The following LRRC28 variants were observed in gnomAD, a reference collection of about 807,000 sequenced individuals.
LRRC28 encodes the protein leucine-rich repeat-containing protein 28.
Under a neutral mutation model 45.7 loss-of-function variants are expected in LRRC28, and 39 were observed. That is an observed-to-expected ratio of 0.85 (90% confidence interval 0.66 to 1.12). The LOEUF is 1.12. Ranked by LOEUF, LRRC28 falls within the 50% of genes most tolerant of loss-of-function variation. The pLI is 0.00. For missense variants in LRRC28, 435 were observed against 438.5 expected (o/e 0.99, Z 0.07); for synonymous variants, 206 against 178.8 (o/e 1.15, Z -1.22).
At chr15:99,292,222 T>G (rs1367094972) in intron 5 of LRRC28, among the ~76,000 whole-genome samples, 1 of 152,216 alleles carries the variant, frequency 6.6e-6, no homozygotes, top group Non-Finnish European at 1.5e-5. Flanking sequence ...AGGTTTTCCC[T>G]TGCTGGAAGC....
chr15:99,302,228 C>T (rs1259607244), intron 5 of LRRC28, among the ~76,000 whole-genome samples: 1 of 151,944 alleles, frequency 6.6e-6, no homozygotes, highest in Non-Finnish European at 1.5e-5. Flanking sequence ...GGGGTTTCAT[C>T]GTGTTAGCCA....
chr15:99,348,682 G>C (rs565669582), intron 6 of LRRC28, among the ~76,000 whole-genome samples: 5 of 151,232 alleles, frequency 3.3e-5, no homozygotes, highest in South Asian at 2.1e-4. Flanking sequence ...AAATCAGGAA[G>C]TGAGATGCCT....
intron 5 of LRRC28, among the ~76,000 whole-genome samples, chr15:99,304,232 A>G (rs1955094969): frequency 6.6e-6 from 1 of 152,216 alleles, no homozygotes; most frequent in Non-Finnish European, 1.5e-5. Flanking sequence ...GATTTACATA[A>G]ATAGCCCTTT....
chr15:99,334,570 AACTTTAAAG>A (rs1198597020), intron 6 of LRRC28, among the ~76,000 whole-genome samples: 1 of 152,182 alleles, frequency 6.6e-6, no homozygotes, highest in African/African-American at 2.4e-5. Context: ...CAGATTATAA[AACTTTAAAG>A]ACCTTAAAAT....
intron 3 of LRRC28, among the ~76,000 whole-genome samples, chr15:99,281,168 C>G (rs1441861262): frequency 6.6e-6 from 1 of 151,222 alleles, no homozygotes. Flanking sequence ...GCTAGAAGTA[C>G]AGGCATGCAC....
At chr15:99,271,854 C>T (rs931502051) in intron 2 of LRRC28, among the ~76,000 whole-genome samples, 1 of 152,244 alleles carries the variant, frequency 6.6e-6, no homozygotes, top group Non-Finnish European at 1.5e-5. Context: ...CCACTTTGGC[C>T]TCCCAAAATG....
At chr15:99,318,988 C>T (rs1955698423) in intron 5 of LRRC28, among the ~76,000 whole-genome samples, 1 of 151,976 alleles carries the variant, frequency 6.6e-6, no homozygotes, top group African/African-American at 2.4e-5. Context: ...AAATGTTTTC[C>T]TTTAAAATTT....
In LRRC28 at chr15:99,388,166, G is replaced by A. The variant is rs1272619739; in HGVS notation, c.*2064G>A. ...TGTATATAAGTTAGCTGGTGAAAAT[G>A]TGGCATGAAACTTCACAATTGTGCT... On this transcript the variant is annotated 3_prime_UTR_variant, in exon 10 of 10. Coordinates refer to ENST00000301981, the MANE Select transcript of LRRC28 (RefSeq NM_144598.5). 1.3e-5 allele frequency: 2 copies of A among 152,228 alleles called. No homozygotes were observed. The highest frequency in any genetic ancestry group is 4.8e-5 in the African/African-American group (2 of 41,460). The allele number at this position is 152,228 out of a possible 1,614,324, so 9.4% of individuals were successfully genotyped here.
intron 5 of LRRC28, among the ~76,000 whole-genome samples, chr15:99,300,643 A>G (rs1403118813): frequency 6.6e-6 from 1 of 152,142 alleles, no homozygotes; most frequent in Non-Finnish European, 1.5e-5. Context: ...CCTGGCCAAC[A>G]TGGTGAACCC....
chr15:99,341,789 G>T (rs117375655), intron 6 of LRRC28, among the ~76,000 whole-genome samples: 1 of 152,128 alleles, frequency 6.6e-6, no homozygotes, highest in Non-Finnish European at 1.5e-5. Flanking sequence ...TGTTGTTCTC[G>T]TTCTAGAACT....
chr15:99,381,798 G>C (rs1371936354), intron 9 of LRRC28, among the ~76,000 whole-genome samples: 5 of 151,808 alleles, frequency 3.3e-5, no homozygotes, highest in Non-Finnish European at 5.9e-5. Context: ...GAGGTCCACT[G>C]CAGACCCTGT....
chr15:99,321,590 A>G (rs181514730), intron 5 of LRRC28, among the ~76,000 whole-genome samples: 40 of 152,286 alleles, frequency 2.6e-4, no homozygotes, highest in Admixed American at 1.2e-3. Flanking sequence ...TTTTCCTCCA[A>G]GGATTTGTGA....
intron 3 of LRRC28, among the ~76,000 whole-genome samples, chr15:99,282,176 G>GTTTTTTTTTTTT (rs1476287973): frequency 5.9e-5 from 2 of 33,882 alleles, no homozygotes; most frequent in South Asian, 7.9e-4. Flanking sequence ...AATTTTTGGA[G>GTTTTTTTTTTTT]GTTTTTTTTT....
chr15:99,387,127 C>T lies in LRRC28; in HGVS notation c.*1025C>T, dbSNP rs900996464. On this transcript the variant is annotated 3_prime_UTR_variant, in exon 10 of 10. Coordinates refer to ENST00000301981, the MANE Select transcript of LRRC28 (RefSeq NM_144598.5). ...CCAGGCTGGAGTGCAGTGGCGGGAT[C>T]TCGGCTCACTGCAAGCTCCGCCTCC... is the stretch of plus-strand genomic sequence containing the variant. 4.0e-5 allele frequency: 6 copies of T among 150,652 alleles called. No homozygotes were observed. The highest frequency in any genetic ancestry group is 2.1e-4 in the South Asian group (1 of 4,656). The allele number at this position is 150,652 out of a possible 1,614,324, so 9.3% of individuals were successfully genotyped here.
Position 99,363,141 on chromosome 15 carries a change from A to G in LRRC28, c.907A>G (p.Ser303Gly), listed in dbSNP as rs767871267. The G allele has an allele frequency of 6.2e-7, 1 of 1,613,396 alleles. No individual in the cohort carries two copies. Among genetic ancestry groups the G allele is most frequent in the Admixed American group, 1.7e-5 (1 of 59,916 alleles). ...NFLSPISLPRSLLELLHCPLG... is the reference protein window; with the variant it reads ...NFLSPISLPRGLLELLHCPLG... Reference sequence around the variant, plus strand: ...TCTGTCTCCAATCTCATTACCCAGAAGTCTCCTAGAGCTGCTGCACTGCCC... The same window carrying G: ...TCTGTCTCCAATCTCATTACCCAGAGGTCTCCTAGAGCTGCTGCACTGCCC... The change falls in exon 9 of 10, where the codon AGT becomes GGT. Residue 303 changes from serine to glycine, a missense_variant. Coordinates refer to ENST00000301981, the MANE Select transcript of LRRC28 (RefSeq NM_144598.5).
At chr15:99,384,651 C>T (rs555499434) in intron 9 of LRRC28, 3 of 152,346 alleles carry the variant, frequency 2.0e-5, no homozygotes. Flanking sequence ...ACCGTGATGC[C>T]ATAGCAGTCA....
intron 9 of LRRC28, among the ~76,000 whole-genome samples, chr15:99,368,591 A>T (rs1178204091): frequency 6.6e-6 from 1 of 152,144 alleles, no homozygotes; most frequent in Non-Finnish European, 1.5e-5. Flanking sequence ...CTTTAAGTAT[A>T]ACATATGTTT....
intron 6 of LRRC28, among the ~76,000 whole-genome samples, chr15:99,341,620 G>T (rs932218851): frequency 6.6e-6 from 1 of 152,112 alleles, no homozygotes; most frequent in African/African-American, 2.4e-5. Flanking sequence ...TAGGATTTAG[G>T]GGGTGGGACA....
intron 9 of LRRC28, among the ~76,000 whole-genome samples, chr15:99,369,599 C>T (rs1167401355): frequency 6.6e-6 from 1 of 152,182 alleles, no homozygotes; most frequent in Non-Finnish European, 1.5e-5. Flanking sequence ...AGGCCTTCAA[C>T]TAATTGGATG....
Sources: allele counts gnomAD v4.1 joint callset (sites outside exome capture counted in the v4.1 genomes callset), GRCh38; gene constraint gnomAD v4.1.1; transcripts MANE v1.5; gene names NCBI Gene and HGNC (gene_info 2026-07-23, HGNC 2026-07-21).